The following NXPH1 variants were observed in gnomAD, a reference collection of about 807,000 sequenced individuals.
NXPH1 encodes neurexophilin-1.
Under a neutral mutation model 23.7 loss-of-function variants are expected in NXPH1, and 5 were observed. That is an observed-to-expected ratio of 0.21 (90% CI 0.11 to 0.44). The LOEUF (loss-of-function observed/expected upper bound fraction) is 0.44, where lower values mean the gene tolerates loss of function less well. NXPH1 is among the 20% of genes least tolerant of loss of function. NXPH1 has a pLI of 0.99. For synonymous variants in NXPH1, 144 were observed against 122.2 expected (o/e 1.18, Z -1.18); for missense variants, 324 against 321.6 (o/e 1.01, Z -0.06).
intron 2 of NXPH1, among the ~76,000 whole-genome samples, chr7:8,659,308 T>C (rs1467872403): frequency 6.6e-6 from 1 of 152,214 alleles, no homozygotes; most frequent in African/African-American, 2.4e-5. Context: ...TTTAGGGATA[T>C]TGTTTCTCAG....
chr7:8,750,218 A>G (rs900266645), intron 2 of NXPH1, among the ~76,000 whole-genome samples: 3 of 152,204 alleles, frequency 2.0e-5, no homozygotes, highest in African/African-American at 7.2e-5. Flanking sequence ...AATATACCAG[A>G]GTCTCTTTGC....
At chr7:8,619,945 C>T (rs1819829435) in intron 2 of NXPH1, among the ~76,000 whole-genome samples, 1 of 152,130 alleles carries the variant, frequency 6.6e-6, no homozygotes, top group African/African-American at 2.4e-5. Flanking sequence ...AAATCCAAGA[C>T]TTAAGGCTGT....
intron 2 of NXPH1, among the ~76,000 whole-genome samples, chr7:8,521,554 C>T (rs1388014058): frequency 1.3e-5 from 2 of 152,120 alleles, no homozygotes; most frequent in East Asian, 1.9e-4. Flanking sequence ...GGCAGCATTG[C>T]CAGATGGAGG....
At chr7:8,688,678 C>G (rs1014407887) in intron 2 of NXPH1, among the ~76,000 whole-genome samples, 1 of 152,194 alleles carries the variant, frequency 6.6e-6, no homozygotes, top group East Asian at 1.9e-4. Context: ...GGCTTTGGCA[C>G]TCATCAGACA....
chr7:8,506,266 A>C (rs76600191), intron 2 of NXPH1, among the ~76,000 whole-genome samples: 10,012 of 152,174 alleles, frequency 0.066, 446 homozygotes, highest in Middle Eastern at 0.14. Context: ...TGTTACTCCA[A>C]GGGAAGACCA....
intron 2 of NXPH1, among the ~76,000 whole-genome samples, chr7:8,438,146 C>T (rs1401016224): frequency 6.6e-6 from 1 of 152,148 alleles, no homozygotes; most frequent in South Asian, 2.1e-4. Context: ...ATTGGGCAGT[C>T]ATTTCGGGAT....
rs867351885 is a variant in NXPH1, at chr7:8,739,204, A to G, written c.55-11804A>G. Among the ~76,000 whole-genome samples the G allele has an allele frequency of 4.0e-5, 5 of 123,746 alleles. No homozygotes were observed. The Middle Eastern group carries it at 0.013, about 320-fold the overall frequency. The allele number at this position is 123,746 out of a possible 152,430, so 81.2% of individuals were successfully genotyped here. On this transcript the variant is annotated intron_variant, in intron 2 of 2. Transcript: ENST00000405863. Reference sequence around the variant, plus strand: ...AAAAAAAAAAAAAAAAAAAAAAAAAACCCTGCAGCTAGCTCTTTGTCTGCC... The same window carrying G: ...AAAAAAAAAAAAAAAAAAAAAAAAAGCCCTGCAGCTAGCTCTTTGTCTGCC...
At chr7:8,506,279 G>C (rs912515007) in intron 2 of NXPH1, among the ~76,000 whole-genome samples, 2 of 152,178 alleles carry the variant, frequency 1.3e-5, no homozygotes, top group Admixed American at 1.3e-4. Flanking sequence ...GAAGACCAAA[G>C]AGTCAAAGAC....
At chr7:8,631,456 C>G (rs1256717707) in intron 2 of NXPH1, among the ~76,000 whole-genome samples, 7 of 152,088 alleles carry the variant, frequency 4.6e-5, no homozygotes, top group Admixed American at 2.6e-4. Flanking sequence ...AGCTGCACAG[C>G]AAAATAAACT....
At chr7:8,725,613 C>A (rs1021769256) in intron 2 of NXPH1, among the ~76,000 whole-genome samples, 8 of 152,032 alleles carry the variant, frequency 5.3e-5, no homozygotes, top group African/African-American at 1.9e-4. Flanking sequence ...GTAAAAAATT[C>A]TTGAAGGAAT....
intron 2 of NXPH1, among the ~76,000 whole-genome samples, chr7:8,654,408 G>T (rs4566951): frequency 0.66 from 100,580 of 151,468 alleles, 33,641 homozygotes; most frequent in East Asian, 0.83. Flanking sequence ...AAGCAAATAT[G>T]ATTATCTTAT....
intron 2 of NXPH1, among the ~76,000 whole-genome samples, chr7:8,507,609 C>T (rs73675737): frequency 0.013 from 2,034 of 152,212 alleles, 32 homozygotes; most frequent in African/African-American, 0.044. Flanking sequence ...CATAGGTGCA[C>T]ATGTTTCATA....
intron 2 of NXPH1, among the ~76,000 whole-genome samples, chr7:8,744,294 T>A (rs930385859): frequency 3.3e-5 from 5 of 152,062 alleles, no homozygotes; most frequent in Non-Finnish European, 5.9e-5. Flanking sequence ...CCTTTGGTAA[T>A]GGGCATTGGC....
chr7:8,652,907 T>A (rs1319065778), intron 2 of NXPH1, among the ~76,000 whole-genome samples: 3 of 152,178 alleles, frequency 2.0e-5, no homozygotes, highest in East Asian at 3.9e-4. Flanking sequence ...AGTACAATAT[T>A]CTTTAAGAGA....
At chr7:8,743,388 T>C (rs1348715331) in intron 2 of NXPH1, among the ~76,000 whole-genome samples, 1 of 150,664 alleles carries the variant, frequency 6.6e-6, no homozygotes, top group East Asian at 2.0e-4. Context: ...GAAGATTGTA[T>C]ATATAAAAGA....
intron 2 of NXPH1, among the ~76,000 whole-genome samples, chr7:8,631,780 T>G (rs1397939208): frequency 6.6e-6 from 1 of 152,172 alleles, no homozygotes; most frequent in Non-Finnish European, 1.5e-5. Flanking sequence ...TCCATTTAAT[T>G]CTATTCTATT....
intron 2 of NXPH1, among the ~76,000 whole-genome samples, chr7:8,582,130 C>T (rs754926408): frequency 3.6e-4 from 55 of 152,280 alleles, no homozygotes; most frequent in Non-Finnish European, 5.4e-4. Flanking sequence ...ATGTACTGCA[C>T]GCAGCTTCCA....
At chr7:8,609,793 A>G (rs1315231082) in intron 2 of NXPH1, among the ~76,000 whole-genome samples, 1 of 152,164 alleles carries the variant, frequency 6.6e-6, no homozygotes, top group Non-Finnish European at 1.5e-5. Context: ...TTTTAACATA[A>G]CAGAGACTGC....
rs1554420381 is a variant in NXPH1, at chr7:8,434,758, A to AC, written c.-111+4dup. On this transcript the variant is annotated splice_donor_region_variant and intron_variant, in intron 1 of 2. Transcript: ENST00000405863. This position sits in a 1 kb window ranked among gnomAD's most constrained non-coding sequence, Gnocchi z 7.6. ...GGATTCGCCCCAAGTCCTGTGCGGTACGTACCCTTTGCCTCCGCTGTTCCC... is the reference window on the plus strand; with the variant it reads ...GGATTCGCCCCAAGTCCTGTGCGGTACCGTACCCTTTGCCTCCGCTGTTCCC... The AC allele has an allele frequency of 2.0e-5, 3 of 152,638 alleles. No individual in the cohort carries two copies. Among genetic ancestry groups the AC allele is most frequent in the Admixed American group, 1.3e-4 (2 of 15,280 alleles). 9.5% of individuals were successfully genotyped at this position (152,638 alleles called of 1,614,324 possible).
Sources: allele counts gnomAD v4.1 joint callset (sites outside exome capture counted in the v4.1 genomes callset), GRCh38; gene constraint gnomAD v4.1.1; non-coding constraint Gnocchi (gnomAD v3.1); transcripts MANE v1.5; gene names NCBI Gene and HGNC (gene_info 2026-07-23, HGNC 2026-07-21).